Variants in PRCP observed in about 807,000 individuals in gnomAD.
PRCP encodes the protein lysosomal Pro-X carboxypeptidase.
In PRCP, 46 loss-of-function variants were observed where a neutral mutation model predicts 54.2. That is an observed-to-expected ratio of 0.85 (90% CI 0.67 to 1.09). The LOEUF is 1.09. Ranked by LOEUF, PRCP falls within the 50% of genes least tolerant of loss-of-function variation. The pLI, the probability that PRCP is intolerant of heterozygous loss-of-function variation, is 0.00. For synonymous variants in PRCP, 240 were observed against 212.2 expected (o/e 1.13, Z -1.14); for missense variants, 613 against 596.8 (o/e 1.03, Z -0.28).
intron 1 of PRCP, among the ~76,000 whole-genome samples, chr11:82,881,280 T>C (rs1859742473): frequency 6.6e-6 from 1 of 152,242 alleles, no homozygotes; most frequent in Non-Finnish European, 1.5e-5. Context: ...TGAACCATTA[T>C]GCCCCGGTGA....
chr11:82,898,819 C>T (rs1326069010), intron 1 of PRCP, among the ~76,000 whole-genome samples: 1 of 152,114 alleles, frequency 6.6e-6, no homozygotes, highest in Non-Finnish European at 1.5e-5. Flanking sequence ...TTCTCTTCCT[C>T]ATAAACTTGA....
At position 82,823,525 on chromosome 11, in the gene PRCP, A is replaced by T. The variant is rs1424657597; in HGVS notation, c.*1381T>A. On this transcript the variant is annotated 3_prime_UTR_variant, in exon 9 of 9. Coordinates refer to ENST00000313010, the MANE Select transcript of PRCP (RefSeq NM_005040.4). Reference sequence around the variant, plus strand: ...ATTTCAGCTTTCCATCCCAAGAATGAACTCTATATATGCCCTTAAAAAAAA... The same window carrying T: ...ATTTCAGCTTTCCATCCCAAGAATGTACTCTATATATGCCCTTAAAAAAAA... 3 of 138,574 alleles carry T rather than the reference A, an allele frequency of 2.2e-5. No individual in the cohort carries two copies. The highest frequency in any genetic ancestry group is 8.8e-5 in the African/African-American group (3 of 34,052). The allele number at this position is 138,574 out of a possible 1,614,324, so 8.6% of individuals were successfully genotyped here.
intron 1 of PRCP, 55 bp downstream of exon 1, chr11:82,900,180 G>T: frequency 6.3e-7 from 1 of 1,594,310 alleles, no homozygotes; most frequent in East Asian, 2.2e-5. Flanking sequence ...GGGCTCTGAG[G>T]GTCAGGGTTC....
chr11:82,837,928 T>C (rs1361006516), intron 8 of PRCP, among the ~76,000 whole-genome samples: 2 of 152,224 alleles, frequency 1.3e-5, no homozygotes, highest in Admixed American at 1.3e-4. Context: ...TCCTTCACAG[T>C]AAAAAAGGGG....
intron 1 of PRCP, among the ~76,000 whole-genome samples, chr11:82,872,178 G>A (rs377543710): frequency 1.3e-5 from 2 of 152,136 alleles, no homozygotes; most frequent in African/African-American, 4.8e-5. Flanking sequence ...TATATATAGG[G>A]TTCAGTACTA....
chr11:82,866,319 G>A lies in PRCP; in HGVS notation c.169-6202C>T, dbSNP rs536827898. On this transcript the variant is annotated intron_variant, in intron 1 of 8. Coordinates refer to ENST00000313010, the MANE Select transcript of PRCP (RefSeq NM_005040.4). ...CCTCCCTTCCCACGAAGATGCTCTC[G>A]TCATTGCCAACCTTAGAGGGTCGAG... Among the ~76,000 whole-genome samples the A allele has an allele frequency of 5.9e-5, 9 of 152,252 alleles. No individual in the cohort carries two copies. The East Asian group carries it at 7.7e-4, about 13-fold the overall frequency.
chr11:82,828,116 T>A (rs2121051322), intron 8 of PRCP: 2 of 152,336 alleles, frequency 1.3e-5, no homozygotes, highest in South Asian at 4.1e-4. Context: ...GAAGTAGGTT[T>A]AATTACAATT....
intron 1 of PRCP, among the ~76,000 whole-genome samples, chr11:82,889,597 GA>G (rs1005453268): frequency 1.3e-5 from 2 of 152,104 alleles, no homozygotes; most frequent in African/African-American, 4.8e-5. Context: ...ACAGCTCCTG[GA>G]GGAGGCAGTG....
At chr11:82,884,846 G>A in intron 1 of PRCP, 1 of 1,613,588 alleles carries the variant, frequency 6.2e-7, no homozygotes, top group East Asian at 2.2e-5. Flanking sequence ...TAATGATTTA[G>A]TTGGATAATA....
chr11:82,825,707 G>T (rs929382869), intron 8 of PRCP: 3 of 152,226 alleles, frequency 2.0e-5, no homozygotes, highest in Non-Finnish European at 1.5e-5. Context: ...CAGTACTTTG[G>T]GAAACAGGAT....
intron 1 of PRCP, among the ~76,000 whole-genome samples, chr11:82,880,304 G>A (rs1336123511): frequency 6.6e-6 from 1 of 152,248 alleles, no homozygotes; most frequent in Non-Finnish European, 1.5e-5. Context: ...TGTGCTAGCA[G>A]TGAGCGAGGC....
chr11:82,863,849 T>C (rs1428281404), intron 1 of PRCP, among the ~76,000 whole-genome samples: 1 of 152,082 alleles, frequency 6.6e-6, no homozygotes, highest in Non-Finnish European at 1.5e-5. Context: ...GCCTTGATTG[T>C]TAAGATTGGG....
intron 1 of PRCP, among the ~76,000 whole-genome samples, chr11:82,872,315 T>C (rs1211433904): frequency 6.6e-6 from 1 of 152,196 alleles, no homozygotes; most frequent in African/African-American, 2.4e-5. Context: ...CTGGGTTGCA[T>C]AGCATCCCCC....
Position 82,824,958 on chromosome 11 carries a change from T to C in PRCP, c.1439A>G (p.His480Arg), listed in dbSNP as rs759180366. The part of the protein sequence containing the change: ...VLLARSLEVR[H>R]MKNWIRDFYD... ...GAAATCTCTGATCCAATTCTTCATA[T>C]GTCTAACTTCCAAGGAGCGGGCTAA... Residue 480 changes from histidine (H) to arginine (R), a missense_variant, in exon 9 of 9, where the codon CAT (histidine) becomes CGT (arginine). Coordinates refer to ENST00000313010, the MANE Select transcript of PRCP (RefSeq NM_005040.4). The C allele has an allele frequency of 1.5e-5, 24 of 1,614,152 alleles. No homozygotes were observed. The Admixed American group carries it at 3.7e-4, about 25-fold the overall frequency.
At chr11:82,850,163 G>A in intron 4 of PRCP, 92 bp from the exon 5 acceptor site, 1 of 915,930 alleles carries the variant, frequency 1.1e-6, no homozygotes, top group African/African-American at 1.7e-5. Flanking sequence ...TTTTAAAGTT[G>A]AAACATAATA....
chr11:82,874,063 CGCTGTAAAAAAGAT>C (rs1565231224), intron 1 of PRCP, among the ~76,000 whole-genome samples: 2 of 152,044 alleles, frequency 1.3e-5, no homozygotes, highest in Non-Finnish European at 2.9e-5. Flanking sequence ...ATGATAATGG[CGCTGTAAAAAAGAT>C]AAAGGAAGGG....
chr11:82,885,056 T>G (rs1304303462), intron 1 of PRCP, among the ~76,000 whole-genome samples: 1 of 152,192 alleles, frequency 6.6e-6, no homozygotes, highest in African/African-American at 2.4e-5. Flanking sequence ...TAAGAAACCA[T>G]GACTTGCAAA....
upstream of PRCP, chr11:82,900,804 TGCCCTGGCC>T (rs1384727085): frequency 6.5e-6 from 3 of 464,298 alleles, no homozygotes; most frequent in African/African-American, 5.9e-5. Context: ...CACCAAACCC[TGCCCTGGCC>T]ACCGCAATTC....
Position 82,824,926 on chromosome 11 carries a change from T to C in PRCP, c.1471A>G (p.Ser491Gly). The change falls in exon 9 of 9, where the codon AGT (serine) becomes GGT (glycine). Residue 491 changes from serine (S) to glycine (G), a missense_variant. Coordinates refer to ENST00000313010, the MANE Select transcript of PRCP (RefSeq NM_005040.4). The stretch of plus-strand genomic sequence containing the variant: ...GTTTCTCAGTGCTGCTTTCCCGCAC[T>C]GTCATAGAAATCTCTGATCCAATTC... Reference protein sequence around the residue: ...MKNWIRDFYDSAGKQH With the variant: ...MKNWIRDFYDGAGKQH 4 of 1,614,060 alleles carry C rather than the reference T, an allele frequency of 2.5e-6. No individual in the cohort carries two copies. The highest frequency in any genetic ancestry group is 3.4e-6 in the Non-Finnish European group (4 of 1,179,962).
Sources: gnomAD v4.1 joint callset for allele counts (sites outside exome capture counted in the v4.1 genomes callset) on GRCh38, gnomAD v4.1.1 for gene constraint, MANE v1.5 for transcripts, NCBI Gene and HGNC (gene_info 2026-07-23, HGNC 2026-07-21) for gene names.